The following BBOX1 variants were observed in gnomAD, a reference collection of about 807,000 sequenced individuals.
The protein encoded by BBOX1 is gamma-butyrobetaine hydroxylase 1.
Under a neutral mutation model 41.6 loss-of-function variants are expected in BBOX1, and 35 were observed. The ratio of observed to expected loss-of-function variants is 0.84; its 90% CI spans 0.64 to 1.11. The LOEUF is 1.11. Ranked by LOEUF, BBOX1 falls within the 50% of genes most tolerant of loss-of-function variation. The pLI, the probability that BBOX1 is intolerant of heterozygous loss-of-function variation, is 0.00. For synonymous variants in BBOX1, 163 were observed against 154.7 expected, an observed-to-expected ratio of 1.05 and a Z score of -0.40; for missense variants, 458 against 460.6, an observed-to-expected ratio of 0.99 and a Z score of 0.05.
At chr11:27,082,459 C>T (rs1191972905) in intron 4 of BBOX1, among the ~76,000 whole-genome samples, 1 of 152,076 alleles carries the variant, frequency 6.6e-6, no homozygotes, top group East Asian at 1.9e-4. Context: ...ATCTATCTTT[C>T]CTGCCAACTC....
At chr11:27,105,322 C>A (rs546436507) in intron 5 of BBOX1, among the ~76,000 whole-genome samples, 24 of 152,032 alleles carry the variant, frequency 1.6e-4, no homozygotes, top group South Asian at 4.1e-4. Context: ...TCGAACCCAT[C>A]GCAAAGAAGC....
chr11:27,053,982 C>T (rs35917669), intron 2 of BBOX1, among the ~76,000 whole-genome samples: 2 of 152,164 alleles, frequency 1.3e-5, no homozygotes, highest in African/African-American at 4.8e-5. Context: ...CATAACTTGA[C>T]TAAATTATCC....
At chr11:27,052,875 A>G (rs1856859336) in intron 2 of BBOX1, among the ~76,000 whole-genome samples, 1 of 152,010 alleles carries the variant, frequency 6.6e-6, no homozygotes, top group Non-Finnish European at 1.5e-5. Context: ...TTCACCCCCA[A>G]TACTACACTC....
At chr11:27,076,581 A>T (rs960469592) in intron 4 of BBOX1, among the ~76,000 whole-genome samples, 2 of 152,042 alleles carry the variant, frequency 1.3e-5, no homozygotes, top group African/African-American at 4.8e-5. Context: ...TTGCTTTGTT[A>T]CCTAGGGGAG....
chr11:27,071,392 A>G (rs549426130), intron 4 of BBOX1, among the ~76,000 whole-genome samples: 1 of 151,740 alleles, frequency 6.6e-6, no homozygotes, highest in South Asian at 2.1e-4. Flanking sequence ...AAAAAAAAAA[A>G]AAGGGGGCTA....
intron 4 of BBOX1, among the ~76,000 whole-genome samples, chr11:27,068,719 G>A: frequency 6.6e-6 from 1 of 152,014 alleles, no homozygotes; most frequent in Admixed American, 6.6e-5. Flanking sequence ...TTCAATTTAA[G>A]TCTTTAATCC....
At chr11:27,074,479 T>C (rs1467898043) in intron 4 of BBOX1, among the ~76,000 whole-genome samples, 1 of 152,036 alleles carries the variant, frequency 6.6e-6, no homozygotes, top group Non-Finnish European at 1.5e-5. Flanking sequence ...ATATGGACAA[T>C]GAAGTCCAGG....
chr11:27,048,836 C>T (rs1328982938), intron 2 of BBOX1, among the ~76,000 whole-genome samples: 3 of 146,274 alleles, frequency 2.1e-5, no homozygotes, highest in African/African-American at 2.5e-5. Context: ...CATGCTGGTG[C>T]GCTGCACCCA....
intron 5 of BBOX1, among the ~76,000 whole-genome samples, chr11:27,102,125 A>C (rs763919511): frequency 2.6e-5 from 4 of 152,090 alleles, no homozygotes; most frequent in Non-Finnish European, 5.9e-5. Context: ...TATGTCAATT[A>C]AATTGTAGGG....
At chr11:27,050,423 T>C (rs1422606467) in intron 2 of BBOX1, among the ~76,000 whole-genome samples, 1 of 152,142 alleles carries the variant, frequency 6.6e-6, no homozygotes, top group African/African-American at 2.4e-5. Context: ...TTGCACTGAA[T>C]CTGTAGATGA....
In BBOX1 at chr11:27,122,563, G is replaced by C. The variant is rs60750632; in HGVS notation, c.836+2718G>C. Among the ~76,000 whole-genome samples the C allele has an allele frequency of 2.0e-5, 3 of 152,226 alleles. No homozygotes were observed. The East Asian group carries it at 5.8e-4, about 29-fold the overall frequency. On this transcript the variant is annotated intron_variant, in intron 7 of 8. Coordinates refer to ENST00000263182, the MANE Select transcript of BBOX1 (RefSeq NM_003986.3). The stretch of plus-strand genomic sequence containing the variant: ...ATTTCTAGAAACCAAAGCAAACAGA[G>C]ACTATAATCAGTTATAAGACAAGAT...
At chr11:27,100,097 G>T (rs1209032279) in intron 5 of BBOX1, among the ~76,000 whole-genome samples, 1 of 152,014 alleles carries the variant, frequency 6.6e-6, no homozygotes, top group Non-Finnish European at 1.5e-5. Context: ...AGCCAGCCCA[G>T]CAGCATTTCA....
At chr11:27,056,891 C>A (rs548958621) in intron 3 of BBOX1, among the ~76,000 whole-genome samples, 7 of 151,122 alleles carry the variant, frequency 4.6e-5, no homozygotes, top group African/African-American at 1.7e-4. Context: ...CATGGTGAAA[C>A]CCCGTCTCAA....
chr11:27,043,459 C>CAGAATGTGCAGGTTTGGGGAACAT (rs1564948369), intron 2 of BBOX1, among the ~76,000 whole-genome samples: 1 of 151,306 alleles, frequency 6.6e-6, no homozygotes, highest in Non-Finnish European at 1.5e-5. Context: ...TTGGGGTACA[C>CAGAATGTGCAGGTTTGGGGAACAT]GTGCAGAATG....
chr11:27,118,909 G>C (rs904481904), intron 6 of BBOX1, among the ~76,000 whole-genome samples: 1 of 146,018 alleles, frequency 6.8e-6, no homozygotes, highest in African/African-American at 2.5e-5. Context: ...TTGCTACTCT[G>C]ACCAGTTCCT....
At chr11:27,105,655 T>C (rs1858839465) in intron 5 of BBOX1, among the ~76,000 whole-genome samples, 1 of 152,096 alleles carries the variant, frequency 6.6e-6, no homozygotes, top group African/African-American at 2.4e-5. Flanking sequence ...TGGAAACAAG[T>C]TGGAAAACAC....
intron 3 of BBOX1, 69 bp downstream of exon 3, chr11:27,055,718 A>C (rs2133961068): frequency 7.0e-7 from 1 of 1,423,810 alleles, no homozygotes; most frequent in East Asian, 2.4e-5. Flanking sequence ...ACAATAATTT[A>C]GATAACTCTT....
chr11:27,074,834 A>T (rs73430350), intron 4 of BBOX1, among the ~76,000 whole-genome samples: 11,518 of 152,260 alleles, frequency 0.076, 1,443 homozygotes, highest in African/African-American at 0.25. Flanking sequence ...CATATCTCCC[A>T]TTCAGGCCAC....
At position 27,093,245 on chromosome 11, in the gene BBOX1, T is replaced by C. The variant is rs773431968; in HGVS notation, c.412T>C (p.Tyr138His). Residue 138 changes from tyrosine (Y) to histidine (H), a missense_variant, in exon 5 of 9, where the codon TAC becomes CAC. Physicochemically the swap from Tyr to His is moderately conservative, Grantham distance 83. Coordinates refer to ENST00000263182, the MANE Select transcript of BBOX1 (RefSeq NM_003986.3). ...EDVLRYDEHA[Y>H]KWLSTLKKVG... ...TGTTTTAAGATATGATGAACACGCA[T>C]ACAAGTGGCTCTCCACCCTCAAGAA... is the stretch of plus-strand genomic sequence containing the variant. 6.2e-7 allele frequency: 1 copy of C among 1,612,476 alleles called. No individual in the cohort carries two copies. The highest frequency in any genetic ancestry group is 8.5e-7 in the Non-Finnish European group (1 of 1,179,016).
Sources: gnomAD v4.1 joint callset for allele counts (sites outside exome capture counted in the v4.1 genomes callset) on GRCh38, gnomAD v4.1.1 for gene constraint, MANE v1.5 for transcripts, NCBI Gene and HGNC (gene_info 2026-07-23, HGNC 2026-07-21) for gene names.